The following CABCOCO1 variants were observed in gnomAD, a reference collection of about 807,000 sequenced individuals.
CABCOCO1 encodes ciliary-associated calcium-binding coiled-coil protein 1.
In CABCOCO1, 28 loss-of-function variants were observed where a neutral mutation model predicts 35.7. That is an observed-to-expected ratio of 0.78 (90% CI 0.58 to 1.07). The LOEUF (loss-of-function observed/expected upper bound fraction) is 1.07. Among genes scored for constraint, CABCOCO1 ranks in the 50% least tolerant of loss-of-function variants. The probability of loss-of-function intolerance (pLI) is 0.00; values close to 1 mark genes in which losing one functional copy is unlikely to be tolerated. For missense variants in CABCOCO1, 326 were observed against 309.2 expected (o/e 1.05, Z -0.41); for synonymous variants, 95 against 100.1 (o/e 0.95, Z 0.30).
At chr10:61,761,914 T>C (rs1842017622) in intron 7 of CABCOCO1, among the ~76,000 whole-genome samples, 1 of 152,126 alleles carries the variant, frequency 6.6e-6, no homozygotes, top group South Asian at 2.1e-4. Flanking sequence ...ATTTAATGAT[T>C]TGGTGCCAAC....
intron 5 of CABCOCO1, among the ~76,000 whole-genome samples, chr10:61,755,603 G>T (rs2132086334): frequency 6.6e-6 from 1 of 152,082 alleles, no homozygotes; most frequent in African/African-American, 2.4e-5. Context: ...CTTGCTTTCT[G>T]CTGTTCAAAA....
At chr10:61,724,207 A>G (rs1276182219) in intron 5 of CABCOCO1, among the ~76,000 whole-genome samples, 2 of 152,218 alleles carry the variant, frequency 1.3e-5, no homozygotes, top group African/African-American at 2.4e-5. Context: ...GAAATACTCA[A>G]TATTGTACAA....
intron 5 of CABCOCO1, among the ~76,000 whole-genome samples, chr10:61,692,212 T>G (rs971831790): frequency 6.6e-6 from 1 of 152,190 alleles, no homozygotes; most frequent in Admixed American, 6.5e-5. Context: ...TGTATCTCAT[T>G]GTGGGTTTGA....
chr10:61,728,940 A>G (rs1841229568), intron 5 of CABCOCO1, among the ~76,000 whole-genome samples: 1 of 152,192 alleles, frequency 6.6e-6, no homozygotes, highest in Admixed American at 6.5e-5. Context: ...TTCATAGCAC[A>G]GCTTTGAAAT....
intron 5 of CABCOCO1, among the ~76,000 whole-genome samples, chr10:61,694,693 C>A (rs1421940919): frequency 6.6e-6 from 1 of 151,974 alleles, no homozygotes; most frequent in Non-Finnish European, 1.5e-5. Context: ...GAGCCTGACA[C>A]TCAGAAATGC....
chr10:61,684,554 G>A (rs1817669260), intron 3 of CABCOCO1, among the ~76,000 whole-genome samples: 1 of 152,168 alleles, frequency 6.6e-6, no homozygotes, highest in Non-Finnish European at 1.5e-5. Context: ...CAAGTGTAAT[G>A]TTGACTGATG....
chr10:61,695,679 A>C (rs185927496), intron 5 of CABCOCO1, among the ~76,000 whole-genome samples: 1 of 152,124 alleles, frequency 6.6e-6, no homozygotes, highest in Non-Finnish European at 1.5e-5. Context: ...CTGACAGTCA[A>C]CTTCTCAACA....
intron 5 of CABCOCO1, among the ~76,000 whole-genome samples, chr10:61,747,724 A>G (rs1410351403): frequency 1.3e-5 from 2 of 152,148 alleles, no homozygotes; most frequent in Admixed American, 6.5e-5. Flanking sequence ...TGCTGAAGTG[A>G]TATGTTGCAG....
intron 5 of CABCOCO1, among the ~76,000 whole-genome samples, chr10:61,696,058 G>A (rs1486780193): frequency 1.3e-5 from 2 of 152,022 alleles, no homozygotes; most frequent in African/African-American, 2.4e-5. Flanking sequence ...TAGATCTATC[G>A]ATGAATCTAA....
At chr10:61,752,426 T>G (rs1325338853) in intron 5 of CABCOCO1, among the ~76,000 whole-genome samples, 1 of 149,848 alleles carries the variant, frequency 6.7e-6, no homozygotes, top group Non-Finnish European at 1.5e-5. Flanking sequence ...TATTTATAAC[T>G]GTAACAACAT....
intron 1 of CABCOCO1, among the ~76,000 whole-genome samples, chr10:61,671,549 C>T (rs1407839489): frequency 2.0e-5 from 3 of 152,136 alleles, no homozygotes; most frequent in South Asian, 4.1e-4. Context: ...ATTAGTATCA[C>T]CACCATTTCC....
intron 5 of CABCOCO1, among the ~76,000 whole-genome samples, chr10:61,735,372 A>G (rs1841393012): frequency 6.6e-6 from 1 of 152,086 alleles, no homozygotes; most frequent in Non-Finnish European, 1.5e-5. Context: ...TTGAGGTGAA[A>G]TCAACTAAGA....
chr10:61,673,555 T>C (rs566837248), intron 2 of CABCOCO1, among the ~76,000 whole-genome samples: 2 of 152,156 alleles, frequency 1.3e-5, no homozygotes, highest in Non-Finnish European at 2.9e-5. Context: ...TCAGTGGTTA[T>C]CACTGACAAA....
chr10:61,729,833 C>T (rs1295994772), intron 5 of CABCOCO1, among the ~76,000 whole-genome samples: 1 of 152,108 alleles, frequency 6.6e-6, no homozygotes, highest in Non-Finnish European at 1.5e-5. Context: ...ACCTTGAGGA[C>T]ATCGTGCTAA....
intron 6 of CABCOCO1, 124 bp downstream of exon 6, chr10:61,760,305 T>C: frequency 7.7e-7 from 1 of 1,302,158 alleles, no homozygotes. Context: ...CAAATACAAA[T>C]ATTTCTCTAA....
At chr10:61,699,366 GA>G (rs1167961751) in intron 5 of CABCOCO1, among the ~76,000 whole-genome samples, 2 of 152,120 alleles carry the variant, frequency 1.3e-5, no homozygotes, top group Non-Finnish European at 2.9e-5. Context: ...ATAAATGGCA[GA>G]AGCATAATTT....
intron 4 of CABCOCO1, among the ~76,000 whole-genome samples, chr10:61,687,259 G>C (rs907873902): frequency 6.6e-6 from 1 of 152,072 alleles, no homozygotes; most frequent in African/African-American, 2.4e-5. Context: ...CTCAATAAAA[G>C]CCAGAGTAGT....
intron 5 of CABCOCO1, among the ~76,000 whole-genome samples, chr10:61,702,805 A>T (rs780518393): frequency 6.6e-6 from 1 of 152,066 alleles, no homozygotes; most frequent in African/African-American, 2.4e-5. Context: ...AAGAATAAAC[A>T]TGCTTAGAAA....
intron 5 of CABCOCO1, among the ~76,000 whole-genome samples, chr10:61,699,787 C>A (rs183508057): frequency 3.3e-5 from 5 of 152,222 alleles, no homozygotes; most frequent in Admixed American, 3.3e-4. Context: ...AAATTGACTT[C>A]TAATTATAAA....
Sources: gnomAD v4.1 joint callset for allele counts (sites outside exome capture counted in the v4.1 genomes callset) on GRCh38, gnomAD v4.1.1 for gene constraint, MANE v1.5 for transcripts, NCBI Gene and HGNC (gene_info 2026-07-23, HGNC 2026-07-21) for gene names.